ASTN1: variants seen among roughly 807,000 people sequenced by gnomAD.
ASTN1 encodes the protein astrotactin-1.
ASTN1 carries 41 observed loss-of-function variants against 140.7 expected under a neutral mutation model. The ratio of observed to expected loss-of-function variants is 0.29; its 90% CI spans 0.23 to 0.38. The LOEUF is 0.38. Among genes scored for constraint, ASTN1 ranks in the 10% least tolerant of loss-of-function variants. The pLI is 1.00. For missense variants in ASTN1, 1,479 were observed against 1,678.8 expected, an observed-to-expected ratio of 0.88 and a Z score of 2.08; for synonymous variants, 640 against 652.2, an observed-to-expected ratio of 0.98 and a Z score of 0.29.
intron 1 of ASTN1, among the ~76,000 whole-genome samples, chr1:177,155,035 G>T (rs1262816785): frequency 1.3e-5 from 2 of 152,104 alleles, no homozygotes; most frequent in African/African-American, 4.8e-5. Context: ...AAAAATAACT[G>T]AGCTATCAAG....
chr1:177,032,472 C>A lies in ASTN1; in HGVS notation c.849G>T (p.Gly283=), dbSNP rs747565289. 6.2e-7 allele frequency: 1 copy of A among 1,613,938 alleles called. No homozygotes were observed. The highest frequency in any genetic ancestry group is 1.1e-5 in the South Asian group (1 of 91,060). Residue 283 remains glycine, a synonymous_variant, in exon 3 of 23, where the codon GGG becomes GGT. Coordinates refer to ENST00000361833, the MANE Select transcript of ASTN1 (RefSeq NM_004319.3). ...DSLQGCNEKS[G]MDLTPGSDNA... ...CATCCCCACCTGGTGTGAGGTCCAT[C>A]CCCGACTTTTCATTGCAGCCCTGCA...
intron 16 of ASTN1, among the ~76,000 whole-genome samples, chr1:176,901,100 T>C (rs571851239): frequency 1.8e-4 from 27 of 152,338 alleles, no homozygotes; most frequent in Non-Finnish European, 3.8e-4. Flanking sequence ...GGCATTGCTG[T>C]TCTGGGTTCT....
In ASTN1 at chr1:177,029,746, A is replaced by T; in HGVS notation, c.1013-5T>A. ...GGTTCAAGAAGGCGGAACCAGCTGT[A>T]ATGAAAGCAGCATGGTCAAGAAAGC... On this transcript the variant is annotated splice_polypyrimidine_tract_variant and splice_region_variant and intron_variant, in intron 4 of 22. Transcript: ENST00000361833. The T allele has an allele frequency of 6.2e-7, 1 of 1,608,476 alleles. No homozygotes were observed. Among genetic ancestry groups the T allele is most frequent in the Non-Finnish European group, 8.5e-7 (1 of 1,176,506 alleles).
chr1:177,120,793 C>T (rs960872302), intron 1 of ASTN1, among the ~76,000 whole-genome samples: 1 of 152,154 alleles, frequency 6.6e-6, no homozygotes, highest in Non-Finnish European at 1.5e-5. Flanking sequence ...TGAGTCCAGG[C>T]ACCAGAAAGG....
chr1:176,948,262 C>T (rs1474714089), intron 12 of ASTN1, among the ~76,000 whole-genome samples: 1 of 149,582 alleles, frequency 6.7e-6, no homozygotes, highest in Non-Finnish European at 1.5e-5. Flanking sequence ...AAAGTAAGTT[C>T]TGTCCTTAGC....
At chr1:176,860,274 G>A (rs1414876151), downstream of ASTN1, among the ~76,000 whole-genome samples, 1 of 152,178 alleles carries the variant, frequency 6.6e-6, no homozygotes, top group Non-Finnish European at 1.5e-5. Context: ...TATATGGGAG[G>A]GGTGTCAAAG....
intron 8 of ASTN1, chr1:176,976,153 TTTC>T (rs1442685026): frequency 6.6e-6 from 1 of 152,210 alleles, no homozygotes; most frequent in Non-Finnish European, 1.5e-5. Flanking sequence ...ATCATTTCTA[TTTC>T]TGAGGATCAA....
intron 1 of ASTN1, among the ~76,000 whole-genome samples, chr1:177,103,558 G>A (rs1178097600): frequency 2.0e-5 from 3 of 152,132 alleles, no homozygotes; most frequent in African/African-American, 7.2e-5. Context: ...GAGCTACAGA[G>A]AAGGAACAGC....
At chr1:177,110,605 T>C (rs555050277) in intron 1 of ASTN1, among the ~76,000 whole-genome samples, 1 of 152,318 alleles carries the variant, frequency 6.6e-6, no homozygotes, top group African/African-American at 2.4e-5. Context: ...ATGTGCAAGG[T>C]ACATGGGCCG....
chr1:176,962,300 C>A (rs1672698366), intron 9 of ASTN1, among the ~76,000 whole-genome samples: 1 of 152,142 alleles, frequency 6.6e-6, no homozygotes, highest in South Asian at 2.1e-4. Flanking sequence ...CTCTTAGATC[C>A]TTTGAGTCTA....
At chr1:176,950,217 C>T (rs1353670566) in intron 11 of ASTN1, among the ~76,000 whole-genome samples, 1 of 152,202 alleles carries the variant, frequency 6.6e-6, no homozygotes, top group African/African-American at 2.4e-5. Flanking sequence ...CTCACTAACT[C>T]ATGTGATCCT....
intron 5 of ASTN1, chr1:177,029,396 C>A (rs764008008): frequency 1.4e-6 from 1 of 722,494 alleles, no homozygotes; most frequent in African/African-American, 1.7e-5. Flanking sequence ...GCCTTTCAAA[C>A]AATTTGGAAA....
intron 8 of ASTN1, among the ~76,000 whole-genome samples, chr1:176,983,824 T>C (rs1003802500): frequency 6.6e-6 from 1 of 152,182 alleles, no homozygotes; most frequent in African/African-American, 2.4e-5. Context: ...CGCGCTGACC[T>C]TGGACTTGGG....
At chr1:176,949,132 C>T in intron 12 of ASTN1, 53 bp downstream of exon 12, 1 of 1,603,158 alleles carries the variant, frequency 6.2e-7, no homozygotes, top group Non-Finnish European at 8.5e-7. Flanking sequence ...ATTGAAAGTC[C>T]TGCGTCCTGG....
intron 8 of ASTN1, among the ~76,000 whole-genome samples, chr1:176,979,493 T>A (rs1188084083): frequency 6.6e-6 from 1 of 152,192 alleles, no homozygotes; most frequent in Non-Finnish European, 1.5e-5. Flanking sequence ...TTCAGGTTAG[T>A]CCACTCCTCC....
rs748605657 is a variant in ASTN1, at chr1:176,893,995, C to CATA, written c.2940+564_2940+566dup. On this transcript the variant is annotated intron_variant, in intron 17 of 22. Coordinates refer to ENST00000361833, the MANE Select transcript of ASTN1 (RefSeq NM_004319.3). ...GTTGGGAAATGTCATGGCCCAGCAG[C>CATA]ATAATAGAAAGGCAAAAAGATTTGC... Among the ~76,000 whole-genome samples the CATA allele has an allele frequency of 1.3e-3, 193 of 152,296 alleles. 1 individual carries two copies. Among genetic ancestry groups the CATA allele is most frequent in the Non-Finnish European group, 2.3e-3 (154 of 68,026 alleles).
At chr1:177,114,758 G>A (rs2102164010) in intron 1 of ASTN1, among the ~76,000 whole-genome samples, 1 of 152,194 alleles carries the variant, frequency 6.6e-6, no homozygotes, top group East Asian at 1.9e-4. Context: ...CAGTTCCATT[G>A]CCACAAACAT....
intron 1 of ASTN1, among the ~76,000 whole-genome samples, chr1:177,142,912 G>A (rs565482132): frequency 1.8e-5 from 2 of 112,736 alleles, no homozygotes; most frequent in Admixed American, 8.1e-5. Flanking sequence ...AAGGGGGGGA[G>A]GGGTGCTGAG....
At chr1:176,940,378 C>T (rs1291946040) in intron 14 of ASTN1, among the ~76,000 whole-genome samples, 1 of 152,160 alleles carries the variant, frequency 6.6e-6, no homozygotes, top group East Asian at 1.9e-4. Flanking sequence ...CACCAAACAA[C>T]CCGGACTTGA....
Sources: gnomAD v4.1 joint callset for allele counts (sites outside exome capture counted in the v4.1 genomes callset) on GRCh38, gnomAD v4.1.1 for gene constraint, MANE v1.5 for transcripts, NCBI Gene and HGNC (gene_info 2026-07-23, HGNC 2026-07-21) for gene names.